Variants in ZEB1 observed in about 807,000 individuals in gnomAD.
ZEB1 encodes zinc finger E-box-binding homeobox 1.
A neutral mutation model predicts 84.9 loss-of-function variants in ZEB1; 21 were observed. The observed-to-expected ratio is 0.25, with a 90% CI of 0.18 to 0.36. The LOEUF (loss-of-function observed/expected upper bound fraction) is 0.36, where lower values mean the gene tolerates loss of function less well. Among genes scored for constraint, ZEB1 ranks in the 10% least tolerant of loss-of-function variants. The pLI is 1.00. For synonymous variants in ZEB1, 420 were observed against 471.1 expected (o/e 0.89, Z 1.41); for missense variants, 1,104 against 1,330.2 (o/e 0.83, Z 2.65).
chr10:31,324,173 T>A (rs1324289879), intron 1 of ZEB1, among the ~76,000 whole-genome samples: 1 of 151,974 alleles, frequency 6.6e-6, no homozygotes, highest in Non-Finnish European at 1.5e-5. Context: ...AAATTGAAAA[T>A]ATTAATCGTT....
intron 1 of ZEB1, among the ~76,000 whole-genome samples, chr10:31,345,296 G>T (rs1011631582): frequency 6.6e-6 from 1 of 152,050 alleles, no homozygotes; most frequent in East Asian, 1.9e-4. Context: ...AAATAGATTG[G>T]CAGGGGCGGG....
intron 1 of ZEB1, among the ~76,000 whole-genome samples, chr10:31,368,220 T>G (rs1190569755): frequency 1.3e-5 from 2 of 152,158 alleles, no homozygotes; most frequent in Admixed American, 1.3e-4. Context: ...GCTGGTACAA[T>G]CATGGCTTAC....
chr10:31,418,514 A>T (rs1040293495), intron 1 of ZEB1, among the ~76,000 whole-genome samples: 6 of 152,128 alleles, frequency 3.9e-5, no homozygotes, highest in Non-Finnish European at 8.8e-5. Context: ...GAATTTTAAA[A>T]TTTTAACTTT....
chr10:31,474,027 A>T (rs2063687646), intron 2 of ZEB1, among the ~76,000 whole-genome samples: 1 of 152,224 alleles, frequency 6.6e-6, no homozygotes, highest in Non-Finnish European at 1.5e-5. Flanking sequence ...CTGAAACTGG[A>T]TCCCTTCCTT....
chr10:31,521,416 C>T lies in ZEB1; in HGVS notation c.2084C>T (p.Thr695Ile). The T allele has an allele frequency of 6.2e-7, 1 of 1,614,090 alleles. No individual in the cohort carries two copies. The highest frequency in any genetic ancestry group is 1.1e-5 in the South Asian group (1 of 91,074). Reference protein sequence around the residue: ...TNSPVLPVGSTTNGSRSSTPS... With the variant: ...TNSPVLPVGSITNGSRSSTPS... ...TCCCCAGTTTTACCAGTGGGATCAA[C>T]CACCAATGGTTCCAGAAGTAGTACA... The change falls in exon 7 of 9, where the codon ACC becomes ATC. Residue 695 changes from threonine (T) to isoleucine (I), a missense_variant. Thr to Ile is a moderately conservative substitution (Grantham distance 89, BLOSUM62 -1). This residue lies in a region of ZEB1 where 531 missense variants were observed against 575.2 expected (regional missense o/e 0.92). Coordinates refer to ENST00000424869, the MANE Select transcript of ZEB1 (RefSeq NM_001174096.2).
At chr10:31,502,197 G>A (rs2068247453) in intron 3 of ZEB1, 151 bp from the exon 4 acceptor site, 6 of 777,666 alleles carry the variant, frequency 7.7e-6, no homozygotes, top group South Asian at 1.8e-5. Flanking sequence ...ACAACAAAAT[G>A]AGTGGAATTC....
At chr10:31,347,640 C>T (rs2133777985) in intron 1 of ZEB1, among the ~76,000 whole-genome samples, 1 of 152,284 alleles carries the variant, frequency 6.6e-6, no homozygotes, top group African/African-American at 2.4e-5. Context: ...AAACCTTTAA[C>T]ATAAACATTT....
At position 31,527,690 on chromosome 10, in the gene ZEB1, A is replaced by G. The variant is rs558749472; in HGVS notation, c.*426A>G. The G allele has an allele frequency of 6.1e-4, 100 of 163,058 alleles. No homozygotes were observed. Among genetic ancestry groups the G allele is most frequent in the South Asian group, 4.4e-3 (27 of 6,178 alleles). 10.1% of individuals were successfully genotyped at this position (163,058 alleles called of 1,614,324 possible). On this transcript the variant is annotated 3_prime_UTR_variant, in exon 9 of 9. Transcript: ENST00000424869. Reference sequence around the variant, plus strand: ...AAGCTGTACAATTGGGAGAAATTTTATAATTTTTTATTGGTAAACATATGC... The same window carrying G: ...AAGCTGTACAATTGGGAGAAATTTTGTAATTTTTTATTGGTAAACATATGC...
intron 1 of ZEB1, among the ~76,000 whole-genome samples, chr10:31,379,194 A>G (rs2047200962): frequency 1.3e-5 from 2 of 152,030 alleles, no homozygotes; most frequent in African/African-American, 4.8e-5. Context: ...TGCAGACCCA[A>G]GTAATATGCT....
intron 1 of ZEB1, among the ~76,000 whole-genome samples, chr10:31,343,796 C>T (rs942962449): frequency 1.3e-5 from 2 of 152,122 alleles, no homozygotes; most frequent in African/African-American, 4.8e-5. Context: ...TGACCTTTGA[C>T]ACAGAACCCA....
chr10:31,444,195 G>A (rs1249039913), intron 1 of ZEB1, among the ~76,000 whole-genome samples: 1 of 140,844 alleles, frequency 7.1e-6, no homozygotes, highest in East Asian at 2.1e-4. Flanking sequence ...GTGTTTTTTG[G>A]CTGCATAAAT....
intron 1 of ZEB1, among the ~76,000 whole-genome samples, chr10:31,456,695 C>T (rs999847548): frequency 2.6e-5 from 4 of 152,082 alleles, no homozygotes; most frequent in Admixed American, 2.0e-4. Context: ...CTCAGACAGG[C>T]TACTTAGGTA....
At chr10:31,489,728 A>T (rs2066246174) in intron 2 of ZEB1, among the ~76,000 whole-genome samples, 1 of 151,262 alleles carries the variant, frequency 6.6e-6, no homozygotes, top group Admixed American at 6.6e-5. Context: ...TGCCAAGTGG[A>T]TTGTATAAAT....
chr10:31,457,648 G>C (rs1481257675), intron 1 of ZEB1, among the ~76,000 whole-genome samples: 3 of 152,002 alleles, frequency 2.0e-5, no homozygotes, highest in Non-Finnish European at 4.4e-5. Flanking sequence ...GCTTATACAG[G>C]GGACAGGAAG....
At position 31,367,117 on chromosome 10, in the gene ZEB1, C is replaced by G. The variant is rs115106521; in HGVS notation, c.58+47825C>G. 9.2e-3 allele frequency among the ~76,000 whole-genome samples: 1,405 copies of G among 152,278 alleles called. 21 individuals carry two copies. The highest frequency in any genetic ancestry group is 0.032 in the African/African-American group (1,346 of 41,552). On this transcript the variant is annotated intron_variant, in intron 1 of 8. Coordinates refer to ENST00000424869, the MANE Select transcript of ZEB1 (RefSeq NM_001174096.2). ...CTTGAGTAGTAGGGTCATTGGAAAGCAACCACTGGGTTTGGGGATAAGTTG... is the reference window on the plus strand; with the variant it reads ...CTTGAGTAGTAGGGTCATTGGAAAGGAACCACTGGGTTTGGGGATAAGTTG...
At chr10:31,503,425 A>G (rs1487341049) in intron 4 of ZEB1, among the ~76,000 whole-genome samples, 1 of 152,076 alleles carries the variant, frequency 6.6e-6, no homozygotes, top group African/African-American at 2.4e-5. Flanking sequence ...CCCTTTTTAT[A>G]ACCAAATAGT....
At chr10:31,351,646 T>A (rs572310818) in intron 1 of ZEB1, among the ~76,000 whole-genome samples, 1 of 152,296 alleles carries the variant, frequency 6.6e-6, no homozygotes, top group Admixed American at 6.5e-5. Context: ...TCTTCTTTGA[T>A]AATGTCACTA....
intron 2 of ZEB1, among the ~76,000 whole-genome samples, chr10:31,469,055 A>G (rs369008690): frequency 6.6e-6 from 1 of 152,260 alleles, no homozygotes; most frequent in African/African-American, 2.4e-5. Flanking sequence ...GAAAGACAAC[A>G]TAGATATATT....
At chr10:31,446,603 G>C (rs1417121613) in intron 1 of ZEB1, among the ~76,000 whole-genome samples, 1 of 151,578 alleles carries the variant, frequency 6.6e-6, no homozygotes, top group Non-Finnish European at 1.5e-5. Context: ...AGAGATTCTG[G>C]TATGTTGTGT....
Sources: allele counts gnomAD v4.1 joint callset (sites outside exome capture counted in the v4.1 genomes callset), GRCh38; gene constraint gnomAD v4.1.1; regional missense constraint gnomAD v4.1.1; transcripts MANE v1.5; gene names NCBI Gene and HGNC (gene_info 2026-07-23, HGNC 2026-07-21).